Variants in SV2B observed in about 807,000 individuals in gnomAD.
The protein encoded by SV2B is synaptic vesicle glycoprotein 2B.
In SV2B, 41 loss-of-function variants were observed where a neutral mutation model predicts 73.9. The ratio of observed to expected loss-of-function variants is 0.56; its 90% CI spans 0.43 to 0.72. SV2B has a LOEUF of 0.72. Among genes scored for constraint, SV2B ranks in the 30% least tolerant of loss-of-function variants. SV2B has a pLI of 0.00. For missense variants in SV2B, 764 were observed against 857.8 expected, an observed-to-expected ratio of 0.89 and a Z score of 1.37; for synonymous variants, 314 against 314.2, an observed-to-expected ratio of 1.00 and a Z score of 0.01.
chr15:91,163,159 AT>A (rs2043786866), intron 1 of SV2B, among the ~76,000 whole-genome samples: 1 of 152,160 alleles, frequency 6.6e-6, no homozygotes, highest in African/African-American at 2.4e-5. Flanking sequence ...AATCCATTCT[AT>A]CATTGATGGA....
chr15:91,233,553 G>C (rs1443759029), intron 2 of SV2B, among the ~76,000 whole-genome samples: 2 of 152,188 alleles, frequency 1.3e-5, no homozygotes, highest in East Asian at 1.9e-4. Context: ...GGTGTCTTCT[G>C]TTAAAGTGAG....
chr15:91,127,182 T>C (rs2042509284), intron 1 of SV2B, among the ~76,000 whole-genome samples: 1 of 152,244 alleles, frequency 6.6e-6, no homozygotes, highest in African/African-American at 2.4e-5. Flanking sequence ...CTTCCAGCTC[T>C]GAGCTGGGCA....
At chr15:91,156,875 CT>C (rs1351216593) in intron 1 of SV2B, among the ~76,000 whole-genome samples, 1 of 152,234 alleles carries the variant, frequency 6.6e-6, no homozygotes. Context: ...AATCTACCTC[CT>C]TTTTGTGGGC....
rs113991291 is a variant in SV2B, at chr15:91,168,301, C to CGAGAGAGAGAGAGAGAGAGAGAGA, written c.-391-57565_-391-57542dup. On this transcript the variant is annotated intron_variant, in intron 1 of 12. Transcript: ENST00000394232. Reference sequence around the variant, plus strand: ...TACCTTTGGGCAAAATGGTGAGATACGAGAGAGAGAGAGAGAGAGAGAGAG... The same window carrying CGAGAGAGAGAGAGAGAGAGAGAGA: ...TACCTTTGGGCAAAATGGTGAGATACGAGAGAGAGAGAGAGAGAGAGAGAGAGAGAGAGAGAGAGAGAGAGAGAG... Among the ~76,000 whole-genome samples, 331 of 137,232 alleles carry CGAGAGAGAGAGAGAGAGAGAGAGA rather than the reference C, an allele frequency of 2.4e-3. 3 individuals are homozygous for CGAGAGAGAGAGAGAGAGAGAGAGA. Among genetic ancestry groups the CGAGAGAGAGAGAGAGAGAGAGAGA allele is most frequent in the Middle Eastern group, 0.011 (3 of 278 alleles). The allele number at this position is 137,232 out of a possible 152,430, so 90.0% of individuals were successfully genotyped here.
At chr15:91,210,215 G>A (rs2045805345) in intron 1 of SV2B, among the ~76,000 whole-genome samples, 4 of 152,012 alleles carry the variant, frequency 2.6e-5, no homozygotes, top group Admixed American at 2.6e-4. Context: ...AATCTGTGAG[G>A]CCACTACTGA....
In SV2B at chr15:91,283,991, C is replaced by G; in HGVS notation, c.1508-30C>G. ...TCTCTCTCCAGCTCCCTTCCACTTA[C>G]ATGAACCGAAGGTTTCCTTCTCTCC... On this transcript the variant is annotated intron_variant, in intron 10 of 12. Transcript: ENST00000394232. The surrounding 1 kb of genome is among the most constrained non-coding windows in gnomAD (Gnocchi z 4.3). The G allele has an allele frequency of 6.2e-7, 1 of 1,612,192 alleles. No homozygotes were observed. The highest frequency in any genetic ancestry group is 8.5e-7 in the Non-Finnish European group (1 of 1,178,396).
intron 1 of SV2B, among the ~76,000 whole-genome samples, chr15:91,135,262 C>T (rs1567280035): frequency 6.6e-6 from 1 of 152,184 alleles, no homozygotes; most frequent in Non-Finnish European, 1.5e-5. Context: ...CCTCAAAGAG[C>T]AGATTATCAC....
At chr15:91,102,374 C>A (rs1012958718) in intron 1 of SV2B, 1 of 152,218 alleles carries the variant, frequency 6.6e-6, no homozygotes, top group Non-Finnish European at 1.5e-5. Context: ...GTTTCCTGAT[C>A]TGTAAAATGG....
At chr15:91,278,640 C>CGGCAG (rs562390765) in intron 9 of SV2B, among the ~76,000 whole-genome samples, 2,889 of 107,136 alleles carry the variant, frequency 0.027, 85 homozygotes, top group Non-Finnish European at 0.04. Flanking sequence ...GATTGCGCCA[C>CGGCAG]TGCAGTCCGG....
chr15:91,182,537 T>C (rs2044619698), intron 1 of SV2B, among the ~76,000 whole-genome samples: 1 of 152,218 alleles, frequency 6.6e-6, no homozygotes, highest in Non-Finnish European at 1.5e-5. Flanking sequence ...GTTCCTGAGC[T>C]TGATTCTCTT....
intron 9 of SV2B, among the ~76,000 whole-genome samples, chr15:91,269,926 A>G (rs891175473): frequency 6.6e-6 from 1 of 152,154 alleles, no homozygotes; most frequent in Non-Finnish European, 1.5e-5. Flanking sequence ...GTTCAGAGTC[A>G]TTATCCTCTG....
At chr15:91,216,886 C>CTTTT (rs557223668) in intron 1 of SV2B, among the ~76,000 whole-genome samples, 15 of 126,588 alleles carry the variant, frequency 1.2e-4, no homozygotes, top group African/African-American at 4.4e-4. Context: ...GAATAACTAC[C>CTTTT]TTTTTTTTTT....
Position 91,241,626 on chromosome 15 carries a change from T to C in SV2B, c.452-10193T>C, listed in dbSNP as rs8027320. The stretch of plus-strand genomic sequence containing the variant: ...ACAGAAGTAACCGGAGAAGAACTTC[T>C]ATAGCCCCTGTTATCACACCTACCT... On this transcript the variant is annotated intron_variant, in intron 2 of 12. Transcript: ENST00000394232. The surrounding 1 kb of genome is among the most constrained non-coding windows in gnomAD (Gnocchi z 4.8). Among the ~76,000 whole-genome samples, 49,523 of 151,722 alleles carry C rather than the reference T, an allele frequency of 0.33. 12,711 individuals carry two copies. Among genetic ancestry groups the C allele is most frequent in the African/African-American group, 0.72 (29,855 of 41,446 alleles).
chr15:91,292,039 T>A (rs2049058386), intron 12 of SV2B, among the ~76,000 whole-genome samples: 1 of 151,998 alleles, frequency 6.6e-6, no homozygotes, highest in African/African-American at 2.4e-5. Context: ...CTTCATCCTT[T>A]CAAGATTTCC....
chr15:91,176,543 C>A (rs952885273), intron 1 of SV2B, among the ~76,000 whole-genome samples: 1 of 152,212 alleles, frequency 6.6e-6, no homozygotes, highest in Non-Finnish European at 1.5e-5. Context: ...CACATCCTCT[C>A]CAGTCCCTGT....
At chr15:91,161,559 G>C (rs934534105) in intron 1 of SV2B, among the ~76,000 whole-genome samples, 3 of 152,190 alleles carry the variant, frequency 2.0e-5, no homozygotes, top group Admixed American at 6.5e-5. Flanking sequence ...ACTGTTCTAA[G>C]CTCTTTGCAC....
Position 91,137,569 on chromosome 15 carries a change from A to AATATATATATATATATTTCTC in SV2B, c.-392+37221_-392+37241dup, listed in dbSNP as rs1293701775. On this transcript the variant is annotated intron_variant, in intron 1 of 12. Coordinates refer to ENST00000394232, the MANE Select transcript of SV2B (RefSeq NM_001323032.3). The surrounding 1 kb of genome is among the most constrained non-coding windows in gnomAD (Gnocchi z 4.9). ...ACAGGACAAAACTAGGAAAATGTGAAATATATATATATATATTTCTCATAT... is the reference window on the plus strand; with the variant it reads ...ACAGGACAAAACTAGGAAAATGTGAAATATATATATATATATTTCTCATATATATATATATATTTCTCATAT... Among the ~76,000 whole-genome samples, 4 of 132,892 alleles carry AATATATATATATATATTTCTC rather than the reference A, an allele frequency of 3.0e-5. No homozygotes were observed. Among genetic ancestry groups the AATATATATATATATATTTCTC allele is most frequent in the African/African-American group, 8.2e-5 (3 of 36,698 alleles). 87.2% of individuals were successfully genotyped at this position (132,892 alleles called of 152,430 possible).
chr15:91,171,789 CAA>C (rs1177915560), intron 1 of SV2B, among the ~76,000 whole-genome samples: 1 of 152,184 alleles, frequency 6.6e-6, no homozygotes, highest in Admixed American at 6.5e-5. Context: ...GGCATTTTGA[CAA>C]AGTCGGTGAA....
intron 1 of SV2B, among the ~76,000 whole-genome samples, chr15:91,160,310 G>T (rs1198096091): frequency 2.0e-5 from 3 of 152,156 alleles, no homozygotes; most frequent in Non-Finnish European, 4.4e-5. Flanking sequence ...TACTGTACCA[G>T]ATATTAAAAT....
Sources: gnomAD v4.1 joint callset for allele counts (sites outside exome capture counted in the v4.1 genomes callset) on GRCh38, gnomAD v4.1.1 for gene constraint, Gnocchi (gnomAD v3.1) non-coding constraint, MANE v1.5 for transcripts, NCBI Gene and HGNC (gene_info 2026-07-23, HGNC 2026-07-21) for gene names.